MFN2: variants seen among roughly 807,000 people sequenced by gnomAD.
MFN2 encodes mitofusin-2.
In MFN2, 43 loss-of-function variants were observed where a neutral mutation model predicts 87.5. The ratio of observed to expected loss-of-function variants is 0.49; its 90% confidence interval spans 0.38 to 0.63. The LOEUF (loss-of-function observed/expected upper bound fraction) is 0.63, where lower values mean the gene tolerates loss of function less well. Among genes scored for constraint, MFN2 ranks in the 30% least tolerant of loss-of-function variants. MFN2 has a pLI of 0.00. For synonymous variants in MFN2, 337 were observed against 359.9 expected (o/e 0.94, Z 0.72); for missense variants, 743 against 972.8 (o/e 0.76, Z 3.14).
chr1:12,004,367 A>C lies in MFN2; in HGVS notation c.1288-142A>C. ...CCAGTTTCCCAGACCCTCTCACTTC[A>C]GAGGCTTTAATTCCATAGAGGAGCT... On this transcript the variant is annotated intron_variant, in intron 12 of 18. Coordinates refer to ENST00000235329, the MANE Select transcript of MFN2 (RefSeq NM_014874.4). This position sits in a 1 kb window ranked among gnomAD's most constrained non-coding sequence, Gnocchi z 4.2. 1.1e-6 allele frequency: 1 copy of C among 937,280 alleles called. No individual in the cohort carries two copies. The highest frequency in any genetic ancestry group is 1.8e-6 in the Non-Finnish European group (1 of 569,682). 58.1% of individuals were successfully genotyped at this position (937,280 alleles called of 1,614,324 possible).
rs7514948 is a variant in MFN2, at chr1:11,994,691, C to A, written c.312-1465C>A. On this transcript the variant is annotated intron_variant, in intron 4 of 18. Transcript: ENST00000235329. ...ATAGGCACTGTGCCTAGAGTCTTGACCCTGATGAACTGTAACCTCAGGTGT... is the reference window on the plus strand; with the variant it reads ...ATAGGCACTGTGCCTAGAGTCTTGAACCTGATGAACTGTAACCTCAGGTGT... Among the ~76,000 whole-genome samples, 591 of 152,312 alleles carry A rather than the reference C, an allele frequency of 3.9e-3. 3 individuals carry two copies. The highest frequency in any genetic ancestry group is 0.013 in the African/African-American group (540 of 41,576).
At chr1:11,980,872 T>C (rs141947801) in intron 1 of MFN2, among the ~76,000 whole-genome samples, 1 of 152,378 alleles carries the variant, frequency 6.6e-6, no homozygotes, top group African/African-American at 2.4e-5. Flanking sequence ...TACTGCCTTC[T>C]CGTTCAGCCC....
rs2236058 is a variant in MFN2, at chr1:12,002,304, C to G, written c.1160+201C>G. Among the ~76,000 whole-genome samples the G allele has an allele frequency of 0.57, 87,315 of 152,166 alleles. 25,492 individuals are homozygous for G. The highest frequency in any genetic ancestry group is 0.63 in the South Asian group (3,053 of 4,824). ...AGGGCGGCTGGGTGCTTCATCACCC[C>G]ACCTGGTCTGTGCAGCACGATTCCC... On this transcript the variant is annotated intron_variant, in intron 11 of 18. Coordinates refer to ENST00000235329, the MANE Select transcript of MFN2 (RefSeq NM_014874.4).
chr1:12,001,370 C>T, intron 8 of MFN2, 31 bp from the exon 9 acceptor site: 6 of 1,612,000 alleles, frequency 3.7e-6, no homozygotes, highest in Non-Finnish European at 5.1e-6. Flanking sequence ...GCCACCTACA[C>T]TCACTCTGGA....
intron 5 of MFN2, among the ~76,000 whole-genome samples, chr1:11,996,553 C>CT (rs1638915513): frequency 6.6e-6 from 1 of 152,174 alleles, no homozygotes; most frequent in East Asian, 1.9e-4. Context: ...TCATACAGCT[C>CT]TGAGTGGCCA....
chr1:12,000,057 A>C (rs1198739732), intron 8 of MFN2, among the ~76,000 whole-genome samples: 1 of 151,326 alleles, frequency 6.6e-6, no homozygotes, highest in African/African-American at 2.4e-5. Flanking sequence ...AGATTGTGCC[A>C]CTGTACTCCA....
intron 2 of MFN2, among the ~76,000 whole-genome samples, chr1:11,984,201 G>A (rs1343610221): frequency 6.6e-6 from 1 of 152,194 alleles, no homozygotes. Flanking sequence ...GCTTCTGATG[G>A]CAGGGAACTT....
At chr1:12,009,808 C>T in intron 18 of MFN2, 82 bp downstream of exon 18, 2 of 1,599,784 alleles carry the variant, frequency 1.3e-6, no homozygotes, top group South Asian at 2.2e-5. Context: ...GGGCTTGCGT[C>T]TTGGGTGTGG....
At chr1:11,987,165 G>A (rs1238665710) in intron 2 of MFN2, among the ~76,000 whole-genome samples, 1 of 151,286 alleles carries the variant, frequency 6.6e-6, no homozygotes, top group African/African-American at 2.4e-5. Flanking sequence ...AAAATTAGCT[G>A]GGTGTGGTGG....
In MFN2 at chr1:12,004,613, T is replaced by C; in HGVS notation, c.1392T>C (p.Asn464=). The C allele has an allele frequency of 1.2e-5, 19 of 1,613,582 alleles. No homozygotes were observed. The highest frequency in any genetic ancestry group is 1.6e-4 in the Middle Eastern group (1 of 6,062). Reference sequence around the variant, plus strand: ...CAGTAGTCCTCAAGGTTTATAAGAATGTGAGTCATGGAGCAACAGGTCCTC... The same window carrying C: ...CAGTAGTCCTCAAGGTTTATAAGAACGTGAGTCATGGAGCAACAGGTCCTC... ...PSPVVLKVYK[N]ELHRHIEEGL... The change falls in exon 13 of 19, where the codon AAT becomes AAC. Residue 464 remains asparagine (N), a splice_region_variant and synonymous_variant. Transcript: ENST00000235329. This position sits in a 1 kb window ranked among gnomAD's most constrained non-coding sequence, Gnocchi z 4.2.
intron 8 of MFN2, among the ~76,000 whole-genome samples, chr1:11,999,649 C>T (rs991990377): frequency 1.4e-4 from 22 of 151,874 alleles, no homozygotes; most frequent in African/African-American, 4.1e-4. Flanking sequence ...TGAGCCACCA[C>T]GCCTGGCCTC....
At position 12,011,592 on chromosome 1, in the gene MFN2, G is replaced by T; in HGVS notation, c.*27G>T. On this transcript the variant is annotated 3_prime_UTR_variant, in exon 19 of 19. Coordinates refer to ENST00000235329, the MANE Select transcript of MFN2 (RefSeq NM_014874.4). Reference sequence around the variant, plus strand: ...GGGCACCTGAGGCGGAGTCTGCGTGGAGAGGGGCGGTGCTGCCAGCCCTAA... The same window carrying T: ...GGGCACCTGAGGCGGAGTCTGCGTGTAGAGGGGCGGTGCTGCCAGCCCTAA... 1 of 1,612,518 alleles carries T rather than the reference G, an allele frequency of 6.2e-7. No individual in the cohort carries two copies. Among genetic ancestry groups the T allele is most frequent in the Non-Finnish European group, 8.5e-7 (1 of 1,179,406 alleles).
At chr1:11,999,247 T>C in intron 8 of MFN2, 152 bp downstream of exon 8, 1 of 729,800 alleles carries the variant, frequency 1.4e-6, no homozygotes, top group Non-Finnish European at 2.4e-6. Flanking sequence ...TGGTATCTTC[T>C]GGTGGTCTTT....
In MFN2 at chr1:12,007,862, A is replaced by G. The variant is rs1256761989; in HGVS notation, c.2069+613A>G. On this transcript the variant is annotated intron_variant, in intron 17 of 18. Transcript: ENST00000235329. ...AGGTCAGCAGATAAACAAGTGAACA[A>G]AGGTCTCTGGTTTTCCTAGGCAGAG... 3.3e-5 allele frequency among the ~76,000 whole-genome samples: 5 copies of G among 151,854 alleles called. No individual in the cohort carries two copies. In the East Asian group the frequency reaches 5.8e-4, roughly 18 times the overall value.
intron 2 of MFN2, among the ~76,000 whole-genome samples, chr1:11,987,984 AT>A (rs1400294309): frequency 6.6e-6 from 1 of 152,096 alleles, no homozygotes; most frequent in Non-Finnish European, 1.5e-5. Context: ...AAATGTTAAC[AT>A]TGCTTATCAC....
In MFN2 at chr1:12,003,616, A is replaced by G. The variant is rs1639270599; in HGVS notation, c.1161-376A>G. Among the ~76,000 whole-genome samples the G allele has an allele frequency of 4.6e-5, 7 of 151,632 alleles. No individual in the cohort carries two copies. In the South Asian group the frequency reaches 1.5e-3, roughly 32 times the overall value. ...GAAGTGGAGGTTGCAGTGAGTGGAG[A>G]TCGTGCCATTGCACTCCAGCCTGGG... On this transcript the variant is annotated intron_variant, in intron 11 of 18. Transcript: ENST00000235329. The surrounding 1 kb of genome is among the most constrained non-coding windows in gnomAD (Gnocchi z 4.1).
chr1:11,995,488 C>G (rs927684800), intron 4 of MFN2, among the ~76,000 whole-genome samples: 1 of 151,372 alleles, frequency 6.6e-6, no homozygotes. Context: ...CAAAAATTAG[C>G]CGGGCATGGT....
At chr1:11,998,279 G>A (rs2100830230) in intron 6 of MFN2, among the ~76,000 whole-genome samples, 1 of 152,152 alleles carries the variant, frequency 6.6e-6, no homozygotes, top group Admixed American at 6.5e-5. Context: ...CAGGCACGGT[G>A]GCTCATGCCT....
chr1:11,996,375 T>C, intron 5 of MFN2, 57 bp downstream of exon 5: 1 of 1,607,688 alleles, frequency 6.2e-7, no homozygotes, highest in Non-Finnish European at 8.5e-7. Flanking sequence ...AAGTCCTCCG[T>C]TGTGACACGG....
Sources: gnomAD v4.1 joint callset for allele counts (sites outside exome capture counted in the v4.1 genomes callset) on GRCh38, gnomAD v4.1.1 for gene constraint, Gnocchi (gnomAD v3.1) non-coding constraint, MANE v1.5 for transcripts, NCBI Gene and HGNC (gene_info 2026-07-23, HGNC 2026-07-21) for gene names.